The following NCAM2 variants were observed in gnomAD, a reference collection of about 807,000 sequenced individuals.
The protein encoded by NCAM2 is neural cell adhesion molecule 2.
In NCAM2, 30 loss-of-function variants were observed where a neutral mutation model predicts 98.1. The ratio of observed to expected loss-of-function variants is 0.31; its 90% confidence interval spans 0.23 to 0.41. The LOEUF is 0.41. Among genes scored for constraint, NCAM2 ranks in the 10% least tolerant of loss-of-function variants. NCAM2 has a pLI of 1.00. For synonymous variants in NCAM2, 368 were observed against 342.4 expected, an observed-to-expected ratio of 1.07 and a Z score of -0.83; for missense variants, 867 against 1,005.8, an observed-to-expected ratio of 0.86 and a Z score of 1.87.
intron 15 of NCAM2, among the ~76,000 whole-genome samples, chr21:21,507,292 T>A (rs564428087): frequency 1.3e-5 from 2 of 152,124 alleles, no homozygotes; most frequent in African/African-American, 4.8e-5. Context: ...TATTAAAATA[T>A]TAAACCTAAG....
chr21:21,004,909 C>T (rs2064084015), intron 1 of NCAM2, among the ~76,000 whole-genome samples: 1 of 151,980 alleles, frequency 6.6e-6, no homozygotes, highest in Admixed American at 6.6e-5. Context: ...CCTTGCCATT[C>T]AGTGAAACAG....
chr21:21,309,156 G>A (rs1270448193), intron 5 of NCAM2, among the ~76,000 whole-genome samples: 1 of 151,998 alleles, frequency 6.6e-6, no homozygotes, highest in Non-Finnish European at 1.5e-5. Context: ...TTATTCCTGG[G>A]TTAGTTTTTG....
intron 1 of NCAM2, among the ~76,000 whole-genome samples, chr21:21,276,048 T>C (rs2072716878): frequency 6.6e-6 from 1 of 152,166 alleles, no homozygotes; most frequent in African/African-American, 2.4e-5. Context: ...TTACCCAATG[T>C]GGAATGCCCT....
chr21:21,113,678 A>T (rs964951989), intron 1 of NCAM2, among the ~76,000 whole-genome samples: 1 of 152,192 alleles, frequency 6.6e-6, no homozygotes, highest in Non-Finnish European at 1.5e-5. Context: ...AGTACTAGGA[A>T]TTGTTATCAA....
intron 15 of NCAM2, among the ~76,000 whole-genome samples, chr21:21,507,986 C>T (rs1363651441): frequency 1.3e-5 from 2 of 152,080 alleles, no homozygotes; most frequent in African/African-American, 4.8e-5. Flanking sequence ...TCAGATTCTA[C>T]TACAAACACG....
chr21:21,410,364 C>T lies in NCAM2; in HGVS notation c.1286C>T (p.Pro429Leu), dbSNP rs1477295449. Reference sequence around the variant, plus strand: ...AGTTGTGATGTGAAATCGAATCCACCAGCATCAATTCACTGGAGAAGAGAT... The same window carrying T: ...AGTTGTGATGTGAAATCGAATCCACTAGCATCAATTCACTGGAGAAGAGAT... ...NISCDVKSNP[P>L]ASIHWRRDKL... Residue 429 changes from proline (P) to leucine (L), a missense_variant, in exon 10 of 18, where the codon CCA (proline) becomes CTA (leucine). This residue lies in a region of NCAM2 where 56 missense variants were observed against 39.6 expected (regional missense o/e 1.41). Coordinates refer to ENST00000400546, the MANE Select transcript of NCAM2 (RefSeq NM_004540.5). The T allele has an allele frequency of 6.2e-7, 1 of 1,601,466 alleles. No individual in the cohort carries two copies. The highest frequency in any genetic ancestry group is 2.3e-5 in the East Asian group (1 of 44,168).
intron 14 of NCAM2, among the ~76,000 whole-genome samples, chr21:21,476,090 A>T (rs1188509607): frequency 6.6e-6 from 1 of 152,150 alleles, no homozygotes; most frequent in Non-Finnish European, 1.5e-5. Context: ...ATACATCGTT[A>T]TTCTTTATAC....
intron 15 of NCAM2, among the ~76,000 whole-genome samples, chr21:21,493,757 C>T (rs977699969): frequency 6.6e-6 from 1 of 151,900 alleles, no homozygotes; most frequent in African/African-American, 2.4e-5. Context: ...GACCTTTTTA[C>T]TATTTCCTAG....
At chr21:21,227,034 A>G (rs1393088086) in intron 1 of NCAM2, among the ~76,000 whole-genome samples, 26 of 152,032 alleles carry the variant, frequency 1.7e-4, no homozygotes, top group Admixed American at 1.2e-3. Flanking sequence ...TGAACAACCT[A>G]TGGCAAATAT....
intron 12 of NCAM2, among the ~76,000 whole-genome samples, chr21:21,436,186 C>T (rs1978321076): frequency 1.3e-5 from 2 of 152,162 alleles, no homozygotes; most frequent in Admixed American, 6.5e-5. Context: ...ATTATTGAAA[C>T]ATATGACATA....
At chr21:21,428,112 C>T (rs2077254852) in intron 11 of NCAM2, among the ~76,000 whole-genome samples, 1 of 152,154 alleles carries the variant, frequency 6.6e-6, no homozygotes. Flanking sequence ...TTTGCCAGCA[C>T]TGTTAGAGGT....
intron 15 of NCAM2, among the ~76,000 whole-genome samples, chr21:21,492,358 A>G (rs542400164): frequency 3.7e-4 from 56 of 151,932 alleles, no homozygotes; most frequent in Non-Finnish European, 6.6e-4. Flanking sequence ...AAAAATCCCT[A>G]TGTGTCAGAG....
At chr21:21,515,764 C>T (rs1196019422) in intron 16 of NCAM2, among the ~76,000 whole-genome samples, 1 of 152,114 alleles carries the variant, frequency 6.6e-6, no homozygotes, top group Non-Finnish European at 1.5e-5. Context: ...ACAATGACAG[C>T]TTAAACCCGT....
chr21:21,495,470 C>T (rs750028929), intron 15 of NCAM2, among the ~76,000 whole-genome samples: 18 of 151,986 alleles, frequency 1.2e-4, no homozygotes, highest in Non-Finnish European at 2.5e-4. Flanking sequence ...CTAGCTCTTT[C>T]CAAACCATTG....
At chr21:21,129,243 T>G (rs950071048) in intron 1 of NCAM2, among the ~76,000 whole-genome samples, 3 of 152,166 alleles carry the variant, frequency 2.0e-5, no homozygotes, top group Non-Finnish European at 2.9e-5. Context: ...TTCTTTTACT[T>G]TTAAAAATGT....
chr21:21,267,722 T>A (rs563443362), intron 1 of NCAM2, among the ~76,000 whole-genome samples: 1 of 152,206 alleles, frequency 6.6e-6, no homozygotes, highest in Admixed American at 6.6e-5. Flanking sequence ...GAAGAGTTAC[T>A]ATTACAGCAT....
At chr21:21,405,778 C>G (rs1408373856) in intron 9 of NCAM2, among the ~76,000 whole-genome samples, 1 of 152,110 alleles carries the variant, frequency 6.6e-6, no homozygotes, top group Admixed American at 6.6e-5. Flanking sequence ...ATTTTCTACA[C>G]TAGTTTAACA....
At position 21,284,261 on chromosome 21, in the gene NCAM2, G is replaced by A. The variant is rs779822280; in HGVS notation, c.198G>A (p.Arg66=). The A allele has an allele frequency of 6.2e-7, 1 of 1,612,366 alleles. No individual in the cohort carries two copies. Among genetic ancestry groups the A allele is most frequent in the Non-Finnish European group, 8.5e-7 (1 of 1,178,700 alleles). Residue 66 remains arginine (R), a synonymous_variant, in exon 3 of 18, where the codon AGG becomes AGA. Coordinates refer to ENST00000400546, the MANE Select transcript of NCAM2 (RefSeq NM_004540.5). ...PQGEKIISTQ[R]VVVQKEGVRS... is the part of the protein sequence containing the mutation. ...GAGAGAAGATAATTTCAACACAGAG[G>A]GTAGTAGTGCAAAAGGAAGGTGTTA... is the stretch of plus-strand genomic sequence containing the variant.
At chr21:21,230,147 G>C (rs1451590555) in intron 1 of NCAM2, among the ~76,000 whole-genome samples, 2 of 150,548 alleles carry the variant, frequency 1.3e-5, no homozygotes, top group African/African-American at 4.9e-5. Context: ...CAGTAGTCCT[G>C]AAATGCCATT....
Sources: allele counts gnomAD v4.1 joint callset (sites outside exome capture counted in the v4.1 genomes callset), GRCh38; gene constraint gnomAD v4.1.1; regional missense constraint gnomAD v4.1.1; transcripts MANE v1.5; gene names NCBI Gene and HGNC (gene_info 2026-07-23, HGNC 2026-07-21).